FGF13: variants seen among roughly 807,000 people sequenced by gnomAD.
FGF13 encodes fibroblast growth factor homologous factor 2.
FGF13 carries 2 observed loss-of-function variants against 19.5 expected under a neutral mutation model. The observed-to-expected ratio is 0.10, with a 90% CI of 0.04 to 0.32. The LOEUF is 0.32. Ranked by LOEUF, FGF13 falls within the 10% of genes least tolerant of loss-of-function variation. The pLI is 1.00. For synonymous variants in FGF13, 72 were observed against 76.9 expected (o/e 0.94, Z 0.33); for missense variants, 113 against 192.7 (o/e 0.59, Z 2.45).
At position 138,621,790 on chromosome X, in the gene FGF13, A is replaced by C. The variant is rs911585114; in HGVS notation, c.*11060T>G. On this transcript the variant is annotated 3_prime_UTR_variant, in exon 5 of 5. Coordinates refer to ENST00000315930, the MANE Select transcript of FGF13 (RefSeq NM_004114.5). ...TTACAACTGATACCATAGAAATATAAATGATCATTAGAGACTATTATGAAC... is the reference window on the plus strand; with the variant it reads ...TTACAACTGATACCATAGAAATATACATGATCATTAGAGACTATTATGAAC... The C allele has an allele frequency of 5.4e-5, 6 of 111,404 alleles. No homozygotes were observed. Among genetic ancestry groups the C allele is most frequent in the African/African-American group, 2.0e-4 (6 of 30,714 alleles). 9.2% of individuals were successfully genotyped at this position (111,404 alleles called of 1,213,427 possible). A position where few individuals can be genotyped will look rare whatever the true frequency, so the allele number is the denominator to read the frequency against.
intron 1 of FGF13, among the ~76,000 whole-genome samples, chrX:139,190,381 G>GAAA (rs34311876): frequency 0.013 from 1,342 of 105,454 alleles, 21 homozygotes; most frequent in African/African-American, 0.042. Flanking sequence ...CTTGATAAAA[G>GAAA]AAAAAAAAAA....
At chrX:138,973,369 TG>T (rs2091926865) in intron 1 of FGF13, among the ~76,000 whole-genome samples, 1 of 112,493 alleles carries the variant, frequency 8.9e-6, no homozygotes, top group Non-Finnish European at 1.9e-5. Context: ...ATAGTTAATA[TG>T]ATTTTGGTTT....
At chrX:138,864,216 C>T (rs2124152472) in intron 2 of FGF13, among the ~76,000 whole-genome samples, 1 of 112,557 alleles carries the variant, frequency 8.9e-6, no homozygotes, top group African/African-American at 3.2e-5. Context: ...ATCCTGGAAA[C>T]ACTTTTTTGA....
chrX:139,188,279 G>T (rs944026282), intron 1 of FGF13, among the ~76,000 whole-genome samples: 6 of 112,334 alleles, frequency 5.3e-5, no homozygotes, highest in African/African-American at 1.3e-4. Context: ...CTAAAGTATT[G>T]TCTATCACCT....
intron 3 of FGF13, among the ~76,000 whole-genome samples, chrX:138,852,228 A>T (rs2091227303): frequency 8.9e-6 from 1 of 112,229 alleles, no homozygotes. Context: ...TTTACAATTC[A>T]TATGAGACCA....
At chrX:138,889,797 A>G (rs17001814) in intron 1 of FGF13, among the ~76,000 whole-genome samples, 5,687 of 111,868 alleles carry the variant, frequency 0.051, 394 homozygotes, top group African/African-American at 0.17. Context: ...ATGAAAAGGA[A>G]GCAATAAGCA....
intron 3 of FGF13, among the ~76,000 whole-genome samples, chrX:138,639,995 TA>T (rs796285784): frequency 9.3e-4 from 94 of 101,050 alleles, no homozygotes; most frequent in African/African-American, 2.1e-3. Flanking sequence ...TCCATCTCAA[TA>T]AAAAAAAAAA....
At chrX:139,130,090 C>G (rs1049442192) in intron 1 of FGF13, among the ~76,000 whole-genome samples, 1 of 112,022 alleles carries the variant, frequency 8.9e-6, no homozygotes. Context: ...TTCAAATGAA[C>G]AATTTTTAAA....
chrX:138,920,605 T>A (rs1262727535), intron 1 of FGF13, among the ~76,000 whole-genome samples: 1 of 111,765 alleles, frequency 8.9e-6, no homozygotes, highest in Admixed American at 9.5e-5. Context: ...ATCCTTTAGA[T>A]AATTTCATAT....
chrX:138,760,120 G>A (rs1334739668), intron 3 of FGF13, among the ~76,000 whole-genome samples: 1 of 111,089 alleles, frequency 9.0e-6, no homozygotes, highest in Admixed American at 9.6e-5. Context: ...CCATTATTAA[G>A]CTCAAAGATG....
At chrX:138,741,046 C>T (rs1227224737), upstream of FGF13, among the ~76,000 whole-genome samples, 1 of 112,401 alleles carries the variant, frequency 8.9e-6, no homozygotes, top group Admixed American at 9.4e-5. Context: ...ATTCAGATCC[C>T]TGTTTGCAAA....
chrX:139,069,713 C>T (rs1465472785), intron 1 of FGF13, among the ~76,000 whole-genome samples: 1 of 112,079 alleles, frequency 8.9e-6, no homozygotes, highest in African/African-American at 3.2e-5. Context: ...AGGCATCACG[C>T]TACGTGACTT....
chrX:138,835,088 A>G lies in FGF13; in HGVS notation c.217+22424T>C, dbSNP rs999673965. Among the ~76,000 whole-genome samples the G allele has an allele frequency of 6.3e-5, 7 of 111,754 alleles. No homozygotes were observed. In the East Asian group the frequency reaches 1.4e-3, roughly 22 times the overall value. On this transcript the variant is annotated intron_variant, in intron 3 of 6. Coordinates refer to the FGF13 transcript ENST00000436198. Reference sequence around the variant, plus strand: ...TGTTTCACTTCTGATTACGTGATCAATTTTAGACTAAGTGCCATGTAGTGA... The same window carrying G: ...TGTTTCACTTCTGATTACGTGATCAGTTTTAGACTAAGTGCCATGTAGTGA...
rs567589660 is a variant in FGF13, at chrX:138,873,373, AC to A, written c.-112-8724del. Among the ~76,000 whole-genome samples, 34 of 112,196 alleles carry A rather than the reference AC, an allele frequency of 3.0e-4. No homozygotes were observed. The South Asian group carries it at 0.013, about 42-fold the overall frequency. ...AAAACCTTCTGCTGCCATGGAAATC[AC>A]TAGTTATTGACTGAAGTTCTTGTAG... On this transcript the variant is annotated intron_variant, in intron 1 of 2. Coordinates refer to the FGF13 transcript ENST00000421460.
At chrX:138,863,638 G>A (rs2091301301) in intron 2 of FGF13, among the ~76,000 whole-genome samples, 1 of 112,095 alleles carries the variant, frequency 8.9e-6, no homozygotes, top group Admixed American at 9.5e-5. Flanking sequence ...CACTTCTAGG[G>A]ATAGTCATGC....
In FGF13 at chrX:138,617,051, G is replaced by A. The variant is rs917783157; in HGVS notation, c.*15799C>T. 8.9e-6 allele frequency: 1 copy of A among 111,940 alleles called. No homozygotes were observed. The highest frequency in any genetic ancestry group is 1.9e-5 in the Non-Finnish European group (1 of 53,204). 9.2% of individuals were successfully genotyped at this position (111,940 alleles called of 1,213,427 possible). On this transcript the variant is annotated 3_prime_UTR_variant, in exon 5 of 5. Transcript: ENST00000315930. ...GGGAGAGGCTGCAGTGAAGGTCTCT[G>A]ACATGCCCTAGAGACATTCTCCCCA...
chrX:139,203,991 G>T, upstream of FGF13: 1 of 1,123,517 alleles, frequency 8.9e-7, no homozygotes, highest in Admixed American at 2.2e-5. Context: ...GCCGGAGGGC[G>T]GCGCGCACGC....
At chrX:138,731,772 G>A (rs142691652) in intron 1 of FGF13, among the ~76,000 whole-genome samples, 1,659 of 109,748 alleles carry the variant, frequency 0.015, 36 homozygotes, top group African/African-American at 0.051. Flanking sequence ...ATTTTAAACC[G>A]CTAGCAAGAT....
chrX:139,152,337 A>C (rs1291108490), intron 1 of FGF13, among the ~76,000 whole-genome samples: 3 of 99,446 alleles, frequency 3.0e-5, no homozygotes, highest in East Asian at 3.1e-4. Context: ...AAAAAAAAAA[A>C]CGACGAGGCC....
Sources: allele counts gnomAD v4.1 joint callset (sites outside exome capture counted in the v4.1 genomes callset), GRCh38; gene constraint gnomAD v4.1.1; transcripts MANE v1.5; gene names NCBI Gene and HGNC (gene_info 2026-07-23, HGNC 2026-07-21).